The following NAA11 variants were observed in gnomAD, a reference collection of about 807,000 sequenced individuals.
NAA11 encodes the protein N-alpha-acetyltransferase 11.
NAA11 carries 15 observed loss-of-function variants against 16.1 expected under a neutral mutation model. The observed-to-expected ratio is 0.93, with a 90% CI of 0.62 to 1.44. NAA11 has a LOEUF of 1.44. Ranked by LOEUF, NAA11 falls within the 40% of genes most tolerant of loss-of-function variation. The pLI is 0.00. For missense variants in NAA11, 298 were observed against 291.3 expected (o/e 1.02, Z -0.17); for synonymous variants, 122 against 112.4 (o/e 1.09, Z -0.54).
At chr4:79,188,131 GT>G in the NAA11 span, among the ~76,000 whole-genome samples, 37 of 149,380 alleles carry the variant, frequency 2.5e-4, no homozygotes, top group Middle Eastern at 3.4e-3. Context: ...TTTTTTGAAT[GT>G]TTTTTCCTCT....
At chr4:79,199,410 T>A in the NAA11 span, among the ~76,000 whole-genome samples, 1 of 151,814 alleles carries the variant, frequency 6.6e-6, no homozygotes, top group Non-Finnish European at 1.5e-5. Flanking sequence ...TGAACACAAT[T>A]ATGTGGTGGT....
the NAA11 span, among the ~76,000 whole-genome samples, chr4:79,167,445 G>C: frequency 6.6e-6 from 1 of 151,356 alleles, no homozygotes; most frequent in Non-Finnish European, 1.5e-5. Context: ...AAGAACATCA[G>C]TTCTATGATA....
intron 2 of NAA11, among the ~76,000 whole-genome samples, chr4:79,255,230 T>C (rs9993157): frequency 0.71 from 107,779 of 151,998 alleles, 39,734 homozygotes; most frequent in East Asian, 0.89. Flanking sequence ...TGTTGATGAA[T>C]ACTTGCATTG....
In NAA11 at chr4:79,253,053, T is replaced by A. The variant is rs554795066; in HGVS notation, c.*123-26783A>T. Among the ~76,000 whole-genome samples the A allele has an allele frequency of 1.2e-4, 18 of 152,208 alleles. No individual in the cohort carries two copies. The Middle Eastern group carries it at 0.01, about 86-fold the overall frequency. ...AGAAGTGGTGAGAAGTAGCCAAACA[T>A]GGAATATATTTTGAAGTTTAAGTCA... On this transcript the variant is annotated intron_variant and NMD_transcript_variant, in intron 2 of 2. Transcript: ENST00000511542.
chr4:79,217,590 T>C, the NAA11 span, among the ~76,000 whole-genome samples: 1 of 152,144 alleles, frequency 6.6e-6, no homozygotes, highest in Non-Finnish European at 1.5e-5. Flanking sequence ...TTATCAGAAT[T>C]TTGGGAAGAT....
chr4:79,209,435 T>A, the NAA11 span, among the ~76,000 whole-genome samples: 3 of 152,146 alleles, frequency 2.0e-5, no homozygotes, highest in African/African-American at 7.2e-5. Flanking sequence ...ACCTGCGTTT[T>A]CAGGCCATTA....
intron 2 of NAA11, among the ~76,000 whole-genome samples, chr4:79,291,576 C>T (rs1401654654): frequency 6.6e-6 from 1 of 151,898 alleles, no homozygotes; most frequent in Non-Finnish European, 1.5e-5. Context: ...AATACAAAAT[C>T]AGCTGGGCGT....
downstream of NAA11, among the ~76,000 whole-genome samples, chr4:79,312,693 C>T (rs1723813576): frequency 6.7e-6 from 1 of 148,582 alleles, no homozygotes; most frequent in Non-Finnish European, 1.5e-5. Flanking sequence ...CTTGCTTAGG[C>T]TGCCCAGGCT....
At chr4:79,191,905 G>A in the NAA11 span, among the ~76,000 whole-genome samples, 1 of 152,166 alleles carries the variant, frequency 6.6e-6, no homozygotes, top group South Asian at 2.1e-4. Flanking sequence ...CATATGGCTA[G>A]CCAGTTATCC....
intron 2 of NAA11, among the ~76,000 whole-genome samples, chr4:79,246,743 ATATAT>A (rs1479491444): frequency 6.6e-6 from 1 of 152,248 alleles, no homozygotes; most frequent in Non-Finnish European, 1.5e-5. Flanking sequence ...TAATTAATTA[ATATAT>A]TATGTAAAGA....
intron 2 of NAA11, among the ~76,000 whole-genome samples, chr4:79,228,906 C>A (rs2109954117): frequency 6.6e-6 from 1 of 151,982 alleles, no homozygotes; most frequent in East Asian, 1.9e-4. Flanking sequence ...TCCAAAGTAA[C>A]CATTCTATTT....
chr4:79,297,193 A>G (rs1367562516), intron 1 of NAA11, among the ~76,000 whole-genome samples: 1 of 152,100 alleles, frequency 6.6e-6, no homozygotes, highest in Non-Finnish European at 1.5e-5. Flanking sequence ...CTGGCCCCGG[A>G]GTGGTGCTGC....
intron 2 of NAA11, among the ~76,000 whole-genome samples, chr4:79,252,310 C>G (rs968803938): frequency 6.6e-6 from 1 of 152,138 alleles, no homozygotes; most frequent in Admixed American, 6.5e-5. Context: ...TGTAACAAAA[C>G]TGCATTTGTA....
the NAA11 span, among the ~76,000 whole-genome samples, chr4:79,180,404 C>T: frequency 6.6e-6 from 1 of 151,980 alleles, no homozygotes; most frequent in Non-Finnish European, 1.5e-5. Context: ...AACAAACAAC[C>T]CCATCAAAAA....
chr4:79,285,049 T>C (rs1463125158), intron 2 of NAA11, among the ~76,000 whole-genome samples: 1 of 152,126 alleles, frequency 6.6e-6, no homozygotes, highest in Non-Finnish European at 1.5e-5. Context: ...TATTACACTG[T>C]AGCTTTTGCA....
the NAA11 span, among the ~76,000 whole-genome samples, chr4:79,164,334 G>A: frequency 6.6e-6 from 1 of 152,154 alleles, no homozygotes; most frequent in Non-Finnish European, 1.5e-5. Flanking sequence ...GAATGAAGTG[G>A]CTTTCTTTGT....
chr4:79,277,862 C>G (rs1450779750), intron 2 of NAA11, among the ~76,000 whole-genome samples: 4 of 151,956 alleles, frequency 2.6e-5, no homozygotes. Context: ...CAAGTGTGCG[C>G]TCACCATTGT....
At chr4:79,217,479 G>GTC in the NAA11 span, among the ~76,000 whole-genome samples, 1 of 152,102 alleles carries the variant, frequency 6.6e-6, no homozygotes, top group African/African-American at 2.4e-5. Context: ...AAAAAGGATT[G>GTC]TATGAACAAA....
chr4:79,285,151 C>T (rs879050535), intron 2 of NAA11, among the ~76,000 whole-genome samples: 1 of 152,054 alleles, frequency 6.6e-6, no homozygotes, highest in African/African-American at 2.4e-5. Context: ...CTGCTTTCAA[C>T]AAAATGTTGA....
Sources: allele counts gnomAD v4.1 joint callset (sites outside exome capture counted in the v4.1 genomes callset), GRCh38; gene constraint gnomAD v4.1.1; transcripts MANE v1.5; gene names NCBI Gene and HGNC (gene_info 2026-07-23, HGNC 2026-07-21).